The following HECW1 variants were observed in gnomAD, a reference collection of about 807,000 sequenced individuals.
HECW1 encodes HECT, C2 and WW domain containing E3 ubiquitin protein ligase 1, also known as E3 ubiquitin-protein ligase HECW1.
A neutral mutation model predicts 182.3 loss-of-function variants in HECW1; 61 were observed. The observed-to-expected ratio is 0.33, with a 90% CI of 0.27 to 0.41. The LOEUF is 0.41. Among genes scored for constraint, HECW1 ranks in the 10% least tolerant of loss-of-function variants. The probability of loss-of-function intolerance (pLI) is 1.00; values close to 1 mark genes in which losing one functional copy is unlikely to be tolerated. For synonymous variants in HECW1, 859 were observed against 832.6 expected, an observed-to-expected ratio of 1.03 and a Z score of -0.55; for missense variants, 1,739 against 2,108.9, an observed-to-expected ratio of 0.82 and a Z score of 3.44.
intron 2 of HECW1, among the ~76,000 whole-genome samples, chr7:43,132,255 C>G (rs1787028432): frequency 6.7e-6 from 1 of 148,256 alleles, no homozygotes; most frequent in Admixed American, 6.7e-5. Context: ...ATTTTTGATG[C>G]AGTTTAAGAT....
chr7:43,325,176 C>T (rs1405986705), intron 5 of HECW1, among the ~76,000 whole-genome samples: 1 of 152,194 alleles, frequency 6.6e-6, no homozygotes, highest in Non-Finnish European at 1.5e-5. Flanking sequence ...GCTATTTGAC[C>T]ATAGTGTCAA....
At chr7:43,448,119 G>T (rs964282431) in intron 11 of HECW1, among the ~76,000 whole-genome samples, 1 of 151,834 alleles carries the variant, frequency 6.6e-6, no homozygotes, top group African/African-American at 2.4e-5. Context: ...TGGGCAACAA[G>T]AGCAGAACTC....
intron 21 of HECW1, among the ~76,000 whole-genome samples, chr7:43,502,851 T>C (rs2079420432): frequency 6.6e-6 from 1 of 152,174 alleles, no homozygotes; most frequent in Admixed American, 6.5e-5. Context: ...AGGAACATCC[T>C]ATCTCAGAAG....
At chr7:43,426,257 A>C (rs930606419) in intron 8 of HECW1, among the ~76,000 whole-genome samples, 2 of 152,256 alleles carry the variant, frequency 1.3e-5, no homozygotes, top group Admixed American at 1.3e-4. Context: ...TAGTACTGAA[A>C]ACATACAAAA....
intron 5 of HECW1, among the ~76,000 whole-genome samples, chr7:43,336,750 G>C (rs561437841): frequency 6.6e-6 from 1 of 152,122 alleles, no homozygotes; most frequent in East Asian, 1.9e-4. Flanking sequence ...CCATCTTTAT[G>C]CTCATGTGTA....
At chr7:43,330,551 G>T (rs762848796) in intron 5 of HECW1, among the ~76,000 whole-genome samples, 1 of 152,202 alleles carries the variant, frequency 6.6e-6, no homozygotes, top group African/African-American at 2.4e-5. Flanking sequence ...AAACCATCAA[G>T]AGCAAGGCCC....
chr7:43,336,124 T>TTCTTTCTCTCTC lies in HECW1; in HGVS notation c.460+15385_460+15386insTTCTCTCTCTCT, dbSNP rs1313057919. Among the ~76,000 whole-genome samples, 37 of 64,294 alleles carry TTCTTTCTCTCTC rather than the reference T, an allele frequency of 5.8e-4. 2 individuals carry two copies. Among genetic ancestry groups the TTCTTTCTCTCTC allele is most frequent in the African/African-American group, 2.5e-3 (35 of 13,782 alleles). 42.2% of individuals were successfully genotyped at this position (64,294 alleles called of 152,430 possible). On this transcript the variant is annotated intron_variant, in intron 5 of 29. Transcript: ENST00000395891. ...CTTTCTTCTTTCTTTCTTTCTTTCTTTCTCTCTCTCTCTCTCTCTTTCTCT... is the reference window on the plus strand; with the variant it reads ...CTTTCTTCTTTCTTTCTTTCTTTCTTTCTTTCTCTCTCTCTCTCTCTCTCTCTCTCTTTCTCT...
chr7:43,415,500 A>G (rs952730982), intron 8 of HECW1, among the ~76,000 whole-genome samples: 10 of 151,918 alleles, frequency 6.6e-5, no homozygotes, highest in Non-Finnish European at 5.9e-5. Context: ...TCTGACAATT[A>G]TATGTCTTAG....
intron 2 of HECW1, among the ~76,000 whole-genome samples, chr7:43,203,191 T>C (rs1023653218): frequency 3.9e-5 from 6 of 152,158 alleles, no homozygotes; most frequent in Admixed American, 2.0e-4. Flanking sequence ...TTTATACTTA[T>C]TATATTTCAA....
chr7:43,155,090 C>T (rs573700644), intron 2 of HECW1, among the ~76,000 whole-genome samples: 13 of 152,264 alleles, frequency 8.5e-5, no homozygotes, highest in Non-Finnish European at 1.5e-4. Flanking sequence ...ATTCATGCAC[C>T]TCCTGAGGAA....
intron 2 of HECW1, among the ~76,000 whole-genome samples, chr7:43,185,333 G>T: frequency 6.6e-6 from 1 of 152,246 alleles, no homozygotes; most frequent in East Asian, 1.9e-4. Context: ...ACTGGTAAAC[G>T]TAAGTAAAGT....
intron 5 of HECW1, among the ~76,000 whole-genome samples, chr7:43,355,560 G>A (rs1237645273): frequency 3.3e-5 from 5 of 151,532 alleles, no homozygotes; most frequent in African/African-American, 7.3e-5. Flanking sequence ...AGATTTTTTT[G>A]TAAGCCTCAT....
intron 2 of HECW1, among the ~76,000 whole-genome samples, chr7:43,198,360 C>T (rs1190219016): frequency 2.0e-5 from 3 of 150,866 alleles, no homozygotes; most frequent in Non-Finnish European, 4.4e-5. Context: ...AGTCACACAC[C>T]CCACGCTCTC....
intron 8 of HECW1, among the ~76,000 whole-genome samples, chr7:43,425,470 C>A (rs1042867774): frequency 7.9e-5 from 12 of 152,208 alleles, no homozygotes; most frequent in African/African-American, 2.9e-4. Flanking sequence ...GCTTACCTCT[C>A]TTGTTTCTTG....
intron 5 of HECW1, among the ~76,000 whole-genome samples, chr7:43,340,504 A>C (rs1220237061): frequency 1.3e-5 from 2 of 151,472 alleles, no homozygotes; most frequent in Non-Finnish European, 2.9e-5. Context: ...TACAGGTGTG[A>C]GCCACTGCGC....
intron 17 of HECW1, among the ~76,000 whole-genome samples, chr7:43,487,105 A>G (rs1239508429): frequency 1.3e-5 from 2 of 152,226 alleles, no homozygotes; most frequent in Non-Finnish European, 2.9e-5. Flanking sequence ...GAGGAATGTA[A>G]ATTCGTCCTT....
chr7:43,447,168 C>CT (rs34563804), intron 11 of HECW1, among the ~76,000 whole-genome samples: 29,411 of 146,240 alleles, frequency 0.2, 2,911 homozygotes, highest in Middle Eastern at 0.31. Flanking sequence ...CACTAAAAAG[C>CT]TTTTTTTTTT....
At chr7:43,183,106 G>A (rs1484670684) in intron 2 of HECW1, among the ~76,000 whole-genome samples, 2 of 152,154 alleles carry the variant, frequency 1.3e-5, no homozygotes, top group East Asian at 1.9e-4. Context: ...TGCTCTGTGA[G>A]GGTAAGTACA....
chr7:43,554,862 A>C (rs2081967334), intron 29 of HECW1, 72 bp downstream of exon 29: 1 of 1,373,534 alleles, frequency 7.3e-7, no homozygotes, highest in Non-Finnish European at 1.0e-6. Context: ...TTTGATTTTG[A>C]GTGACCATCC....
Sources: allele counts gnomAD v4.1 joint callset (sites outside exome capture counted in the v4.1 genomes callset), GRCh38; gene constraint gnomAD v4.1.1; transcripts MANE v1.5; gene names NCBI Gene and HGNC (gene_info 2026-07-23, HGNC 2026-07-21).